Variants in SGCD observed in about 807,000 individuals in gnomAD.
SGCD encodes sarcoglycan delta, also known as delta-sarcoglycan.
A neutral mutation model predicts 36.6 loss-of-function variants in SGCD; 18 were observed. The observed-to-expected ratio is 0.49, with a 90% CI of 0.34 to 0.73. The LOEUF is 0.73. Ranked by LOEUF, SGCD falls within the 30% of genes least tolerant of loss-of-function variation. The pLI is 0.01. For synonymous variants in SGCD, 133 were observed against 130.6 expected, an observed-to-expected ratio of 1.02 and a Z score of -0.12; for missense variants, 387 against 346.7, an observed-to-expected ratio of 1.12 and a Z score of -0.92.
intron 7 of SGCD, among the ~76,000 whole-genome samples, chr5:156,728,417 A>G (rs1755882689): frequency 7.0e-6 from 1 of 143,868 alleles, no homozygotes; most frequent in South Asian, 2.3e-4. Context: ...AGGCTGAGGC[A>G]GGAGAATTAC....
At chr5:156,375,661 C>T (rs987172818) in intron 3 of SGCD, among the ~76,000 whole-genome samples, 2 of 152,172 alleles carry the variant, frequency 1.3e-5, no homozygotes. Flanking sequence ...ACAATTCTTT[C>T]CCCATGCTCA....
intron 7 of SGCD, among the ~76,000 whole-genome samples, chr5:156,689,849 C>A (rs1206525426): frequency 6.6e-6 from 1 of 152,150 alleles, no homozygotes; most frequent in Non-Finnish European, 1.5e-5. Context: ...ATGTGTTCAT[C>A]CAAATATCCA....
intron 1 of SGCD, among the ~76,000 whole-genome samples, chr5:155,933,616 G>A (rs2113395606): frequency 6.6e-6 from 1 of 152,310 alleles, no homozygotes; most frequent in Middle Eastern, 3.4e-3. Flanking sequence ...TTTGGCTTAA[G>A]ATGGAACTGA....
chr5:156,006,375 C>G (rs1317974261), intron 1 of SGCD, among the ~76,000 whole-genome samples: 1 of 152,050 alleles, frequency 6.6e-6, no homozygotes, highest in Non-Finnish European at 1.5e-5. Flanking sequence ...AAGTCAAAAG[C>G]CTTTTTTTAT....
At chr5:155,763,397 A>G in the SGCD span, among the ~76,000 whole-genome samples, 6 of 152,178 alleles carry the variant, frequency 3.9e-5, no homozygotes, top group African/African-American at 1.4e-4. Flanking sequence ...ATGGAAAGTA[A>G]TGAATATTAT....
At chr5:156,000,054 T>C (rs1374472222) in intron 1 of SGCD, among the ~76,000 whole-genome samples, 1 of 152,230 alleles carries the variant, frequency 6.6e-6, no homozygotes, top group African/African-American at 2.4e-5. Context: ...TTTTGGAGCC[T>C]GAACATAGAA....
At chr5:156,674,321 G>A (rs1011847611) in intron 7 of SGCD, among the ~76,000 whole-genome samples, 2 of 152,216 alleles carry the variant, frequency 1.3e-5, no homozygotes, top group East Asian at 3.8e-4. Flanking sequence ...CATAGCGTGA[G>A]CCATGCAGCA....
chr5:156,577,216 T>A (rs1759999354), intron 4 of SGCD, among the ~76,000 whole-genome samples: 2 of 152,194 alleles, frequency 1.3e-5, no homozygotes, highest in South Asian at 4.1e-4. Context: ...TTGTCAAAGA[T>A]CAGATGGTTG....
At chr5:156,522,586 G>A (rs1269478050) in intron 4 of SGCD, among the ~76,000 whole-genome samples, 1 of 152,090 alleles carries the variant, frequency 6.6e-6, no homozygotes, top group Non-Finnish European at 1.5e-5. Context: ...CTATTGATGG[G>A]GAGTCAGAGG....
intron 1 of SGCD, among the ~76,000 whole-genome samples, chr5:155,962,886 T>C (rs1260441077): frequency 7.9e-5 from 12 of 152,162 alleles, no homozygotes; most frequent in Non-Finnish European, 1.0e-4. Flanking sequence ...GTAGTCGCCT[T>C]AGCAATCTAT....
the SGCD span, among the ~76,000 whole-genome samples, chr5:155,836,589 G>C: frequency 6.6e-6 from 1 of 151,696 alleles, no homozygotes; most frequent in African/African-American, 2.4e-5. Context: ...GACATGGGCA[G>C]CTCTGCTCTC....
intron 3 of SGCD, among the ~76,000 whole-genome samples, chr5:156,146,747 T>C (rs1226562528): frequency 6.6e-6 from 1 of 152,250 alleles, no homozygotes; most frequent in Admixed American, 6.5e-5. Flanking sequence ...GTTAGTGAGC[T>C]AACCACTAGA....
chr5:155,977,680 G>C (rs950700928), intron 1 of SGCD, among the ~76,000 whole-genome samples: 27 of 152,210 alleles, frequency 1.8e-4, no homozygotes, highest in Admixed American at 1.6e-3. Context: ...AGGAGGGGAG[G>C]CATCAGGTTA....
At chr5:156,325,157 G>A (rs1025824531), upstream of SGCD, among the ~76,000 whole-genome samples, 2 of 151,888 alleles carry the variant, frequency 1.3e-5, no homozygotes, top group Non-Finnish European at 2.9e-5. Flanking sequence ...TATATTTAGG[G>A]AATAAATGGA....
chr5:156,720,852 G>C (rs530308831), intron 7 of SGCD, among the ~76,000 whole-genome samples: 24 of 152,284 alleles, frequency 1.6e-4, no homozygotes, highest in African/African-American at 5.8e-4. Context: ...GACTGTGGGG[G>C]CAGGGAGGAA....
chr5:156,157,560 G>A (rs1762993316), intron 3 of SGCD, among the ~76,000 whole-genome samples: 1 of 151,674 alleles, frequency 6.6e-6, no homozygotes, highest in Non-Finnish European at 1.5e-5. Context: ...GAAATGTAGT[G>A]TTGAATCAAG....
chr5:156,578,459 C>G (rs1024183166), intron 4 of SGCD, among the ~76,000 whole-genome samples: 5 of 152,142 alleles, frequency 3.3e-5, no homozygotes, highest in Non-Finnish European at 7.3e-5. Flanking sequence ...CCCTCTTTTT[C>G]TATTGATTGG....
In SGCD at chr5:156,745,153, A is replaced by ACC. The variant is rs540823881; in HGVS notation, c.576-12422_576-12421dup. ...TAGAGATTTCACAGATGAAACTGGG[A>ACC]CCCCCCCAGTTACCAAAGCCTCAGT... On this transcript the variant is annotated intron_variant, in intron 7 of 8. Coordinates refer to ENST00000337851, the MANE Select transcript of SGCD (RefSeq NM_000337.6). Among the ~76,000 whole-genome samples, 994 of 151,000 alleles carry ACC rather than the reference A, an allele frequency of 6.6e-3. 5 individuals carry two copies. The highest frequency in any genetic ancestry group is 0.011 in the Non-Finnish European group (756 of 67,738).
At chr5:156,013,592 C>A (rs1758905588) in intron 1 of SGCD, among the ~76,000 whole-genome samples, 1 of 151,984 alleles carries the variant, frequency 6.6e-6, no homozygotes, top group Non-Finnish European at 1.5e-5. Flanking sequence ...TCTTTGATTA[C>A]TGTAGTGTTT....
Sources: allele counts gnomAD v4.1 joint callset (sites outside exome capture counted in the v4.1 genomes callset), GRCh38; gene constraint gnomAD v4.1.1; transcripts MANE v1.5; gene names NCBI Gene and HGNC (gene_info 2026-07-23, HGNC 2026-07-21).